CSMD1: variants seen among roughly 807,000 people sequenced by gnomAD.
CSMD1 encodes CUB and sushi domain-containing protein 1.
A neutral mutation model predicts 417.5 loss-of-function variants in CSMD1; 213 were observed. The observed-to-expected ratio is 0.51, with a 90% CI of 0.46 to 0.57. CSMD1 has a LOEUF of 0.57. Ranked by LOEUF, CSMD1 falls within the 20% of genes least tolerant of loss-of-function variation. CSMD1 has a pLI of 0.00. For missense variants in CSMD1, 6,923 were observed against 4,529.7 expected (o/e 1.53, Z -15.17); for synonymous variants, 2,862 against 1,736.8 (o/e 1.65, Z -16.11).
At chr8:4,911,745 C>T (rs944512522) in intron 1 of CSMD1, among the ~76,000 whole-genome samples, 1 of 152,100 alleles carries the variant, frequency 6.6e-6, no homozygotes, top group Non-Finnish European at 1.5e-5. Context: ...TGGTAAATCA[C>T]GTTGGTTTCT....
At chr8:3,680,494 T>C (rs1020768948) in intron 7 of CSMD1, among the ~76,000 whole-genome samples, 2 of 152,072 alleles carry the variant, frequency 1.3e-5, no homozygotes, top group African/African-American at 4.8e-5. Flanking sequence ...CAGGAAGAAG[T>C]TGAATCTCTG....
At chr8:4,347,436 A>C (rs922920647) in intron 3 of CSMD1, among the ~76,000 whole-genome samples, 1 of 152,170 alleles carries the variant, frequency 6.6e-6, no homozygotes, top group African/African-American at 2.4e-5. Context: ...TATTTTAGCC[A>C]AACACACACA....
intron 10 of CSMD1, among the ~76,000 whole-genome samples, chr8:3,540,300 G>A (rs1038549902): frequency 6.6e-6 from 1 of 152,162 alleles, no homozygotes; most frequent in Admixed American, 6.5e-5. Flanking sequence ...TTGAATAGGT[G>A]ATAACTCTTC....
At chr8:3,479,143 A>G (rs1461197318) in intron 11 of CSMD1, among the ~76,000 whole-genome samples, 1 of 152,144 alleles carries the variant, frequency 6.6e-6, no homozygotes, top group African/African-American at 2.4e-5. Flanking sequence ...GAAGCCTCCA[A>G]TAGTCAAATT....
chr8:3,668,603 A>G (rs1798826559), intron 7 of CSMD1, among the ~76,000 whole-genome samples: 1 of 152,106 alleles, frequency 6.6e-6, no homozygotes, highest in Non-Finnish European at 1.5e-5. Flanking sequence ...TATGCAAAAG[A>G]GACGAAGCCC....
At chr8:3,422,698 T>C (rs1813571524) in intron 12 of CSMD1, among the ~76,000 whole-genome samples, 1 of 152,232 alleles carries the variant, frequency 6.6e-6, no homozygotes, top group South Asian at 2.1e-4. Context: ...TTTATGTATT[T>C]TTCATCGTCT....
intron 1 of CSMD1, among the ~76,000 whole-genome samples, chr8:4,736,998 T>G (rs1810287145): frequency 6.6e-6 from 1 of 152,186 alleles, no homozygotes; most frequent in African/African-American, 2.4e-5. Context: ...AGCTTGATTT[T>G]TGCATTTAAC....
intron 25 of CSMD1, among the ~76,000 whole-genome samples, chr8:3,292,678 G>T (rs1164397384): frequency 6.6e-6 from 1 of 152,038 alleles, no homozygotes; most frequent in South Asian, 2.1e-4. Context: ...CCATTTGCTT[G>T]GTAGATCTTC....
At chr8:3,476,348 C>T (rs1446404768) in intron 11 of CSMD1, among the ~76,000 whole-genome samples, 3 of 152,044 alleles carry the variant, frequency 2.0e-5, no homozygotes, top group African/African-American at 7.2e-5. Flanking sequence ...TGTGTTTTTC[C>T]AATTCCCTGT....
At chr8:4,513,146 G>T (rs1036445997) in intron 2 of CSMD1, among the ~76,000 whole-genome samples, 1 of 152,164 alleles carries the variant, frequency 6.6e-6, no homozygotes, top group South Asian at 2.1e-4. Context: ...TAAACTATGG[G>T]CTTTGGTTAA....
chr8:3,854,015 ATAT>A (rs1195203487), intron 5 of CSMD1, among the ~76,000 whole-genome samples: 5 of 146,102 alleles, frequency 3.4e-5, no homozygotes, highest in Non-Finnish European at 6.0e-5. Context: ...AACATATAAA[ATAT>A]TATAAATATA....
At chr8:3,039,359 C>CT (rs1810922237) in intron 50 of CSMD1, among the ~76,000 whole-genome samples, 2 of 146,668 alleles carry the variant, frequency 1.4e-5, no homozygotes, top group African/African-American at 5.3e-5. Flanking sequence ...TCCTTCCTTC[C>CT]TCCTTTACTT....
Position 4,393,991 on chromosome 8 carries a change from T to C in CSMD1, c.415+25962A>G, listed in dbSNP as rs1256632590. Among the ~76,000 whole-genome samples the C allele has an allele frequency of 3.9e-5, 6 of 152,188 alleles. No individual in the cohort carries two copies. The East Asian group carries it at 5.8e-4, about 15-fold the overall frequency. ...TGCCATTTGCCAATTTGCTACGTAA[T>C]AGAGCAACACATATATAGCATGGCT... On this transcript the variant is annotated intron_variant, in intron 3 of 69. Coordinates refer to ENST00000635120, the MANE Select transcript of CSMD1 (RefSeq NM_033225.6).
chr8:3,832,731 T>C (rs1213731892), intron 5 of CSMD1, among the ~76,000 whole-genome samples: 1 of 152,172 alleles, frequency 6.6e-6, no homozygotes, highest in Non-Finnish European at 1.5e-5. Context: ...ACTTACACCA[T>C]GATGACTTCT....
chr8:3,268,315 G>C (rs79771886), intron 26 of CSMD1, among the ~76,000 whole-genome samples: 3 of 21,522 alleles, frequency 1.4e-4, no homozygotes, highest in Non-Finnish European at 2.7e-4. Context: ...TTTTTTTTTT[G>C]AGACGGAGTT....
At chr8:3,529,060 C>T (rs915878002) in intron 10 of CSMD1, among the ~76,000 whole-genome samples, 5 of 152,166 alleles carry the variant, frequency 3.3e-5, no homozygotes, top group African/African-American at 9.7e-5. Context: ...TTAGTACAAG[C>T]TGTAACACAG....
chr8:4,629,477 T>A (rs1049595678), intron 2 of CSMD1, among the ~76,000 whole-genome samples: 11 of 152,178 alleles, frequency 7.2e-5, no homozygotes, highest in African/African-American at 2.7e-4. Flanking sequence ...TTATTTAAAA[T>A]TTTCTTGTAG....
intron 12 of CSMD1, among the ~76,000 whole-genome samples, chr8:3,423,784 C>A (rs1464172618): frequency 1.3e-5 from 2 of 152,184 alleles, no homozygotes; most frequent in African/African-American, 4.8e-5. Context: ...AGAATAGGCA[C>A]ATACTTTTTG....
chr8:4,794,868 A>G (rs1422247271), intron 1 of CSMD1, among the ~76,000 whole-genome samples: 2 of 152,226 alleles, frequency 1.3e-5, no homozygotes, highest in Non-Finnish European at 2.9e-5. Context: ...GAGTCAGGTG[A>G]TGATGACTGC....
Sources: gnomAD v4.1 joint callset for allele counts (sites outside exome capture counted in the v4.1 genomes callset) on GRCh38, gnomAD v4.1.1 for gene constraint, MANE v1.5 for transcripts, NCBI Gene and HGNC (gene_info 2026-07-23, HGNC 2026-07-21) for gene names.